GRIN2A: variants seen among roughly 807,000 people sequenced by gnomAD.
GRIN2A encodes the protein glutamate receptor ionotropic, NMDA 2A.
Under a neutral mutation model 113.4 loss-of-function variants are expected in GRIN2A, and 22 were observed. That is an observed-to-expected ratio of 0.19 (90% CI 0.14 to 0.28). The LOEUF is 0.28. GRIN2A is among the 10% of genes least tolerant of loss of function. The pLI, the probability that GRIN2A is intolerant of heterozygous loss-of-function variation, is 1.00. For synonymous variants in GRIN2A, 827 were observed against 738.4 expected, an observed-to-expected ratio of 1.12 and a Z score of -1.94; for missense variants, 1,502 against 1,887.0, an observed-to-expected ratio of 0.80 and a Z score of 3.78.
intron 2 of GRIN2A, among the ~76,000 whole-genome samples, chr16:10,139,271 A>C (rs17570500): frequency 0.11 from 17,074 of 152,136 alleles, 1,290 homozygotes; most frequent in South Asian, 0.18. Flanking sequence ...CAGTGATGGG[A>C]GGTCAGGGTG....
chr16:9,951,506 T>C (rs556890719), intron 2 of GRIN2A, among the ~76,000 whole-genome samples: 1 of 152,342 alleles, frequency 6.6e-6, no homozygotes, highest in African/African-American at 2.4e-5. Flanking sequence ...CTGTTTGTTC[T>C]CTTCAGCAAG....
chr16:9,979,845 CTGTG>C (rs60999132), intron 2 of GRIN2A, among the ~76,000 whole-genome samples: 15,099 of 133,228 alleles, frequency 0.11, 1,026 homozygotes, highest in African/African-American at 0.15. Context: ...GACTTATATT[CTGTG>C]TGTGTGTGTG....
chr16:10,069,325 T>C (rs968287100), intron 2 of GRIN2A, among the ~76,000 whole-genome samples: 1 of 152,178 alleles, frequency 6.6e-6, no homozygotes, highest in East Asian at 1.9e-4. Context: ...AGAAAGAGAA[T>C]GTTCCACCAT....
chr16:9,875,407 G>C (rs1462703801), intron 4 of GRIN2A, among the ~76,000 whole-genome samples: 1 of 152,176 alleles, frequency 6.6e-6, no homozygotes, highest in Non-Finnish European at 1.5e-5. Flanking sequence ...AAACAGGGTA[G>C]TGGAATGGGA....
chr16:9,788,127 T>C (rs1596406116), intron 11 of GRIN2A, among the ~76,000 whole-genome samples: 3 of 152,178 alleles, frequency 2.0e-5, no homozygotes, highest in South Asian at 2.1e-4. Flanking sequence ...AGGCTAAACA[T>C]TGCCTGAACT....
chr16:9,971,577 A>G (rs1340172991), intron 2 of GRIN2A, among the ~76,000 whole-genome samples: 1 of 152,266 alleles, frequency 6.6e-6, no homozygotes, highest in East Asian at 1.9e-4. Context: ...GCAAGAATAT[A>G]TAAGAATGTA....
intron 2 of GRIN2A, among the ~76,000 whole-genome samples, chr16:10,002,151 G>A (rs2046331892): frequency 6.6e-6 from 1 of 152,158 alleles, no homozygotes; most frequent in Non-Finnish European, 1.5e-5. Flanking sequence ...TATCACACTA[G>A]AGCTTGCAAA....
At chr16:10,128,350 T>C (rs2048988951) in intron 2 of GRIN2A, among the ~76,000 whole-genome samples, 1 of 152,192 alleles carries the variant, frequency 6.6e-6, no homozygotes, top group Non-Finnish European at 1.5e-5. Context: ...TTCCAAGTGA[T>C]GTCAGAAATG....
At chr16:10,014,616 TAAAG>T (rs1366779052) in intron 2 of GRIN2A, among the ~76,000 whole-genome samples, 1 of 152,192 alleles carries the variant, frequency 6.6e-6, no homozygotes, top group Admixed American at 6.5e-5. Context: ...AATGCCATTA[TAAAG>T]AAAGTTGGGT....
intron 3 of GRIN2A, among the ~76,000 whole-genome samples, chr16:9,915,924 C>T (rs961493397): frequency 6.6e-6 from 1 of 152,310 alleles, no homozygotes; most frequent in South Asian, 2.1e-4. Flanking sequence ...TTGATAAATG[C>T]TAATTACTGT....
intron 2 of GRIN2A, among the ~76,000 whole-genome samples, chr16:10,021,088 G>A (rs1366396522): frequency 6.6e-6 from 1 of 152,222 alleles, no homozygotes; most frequent in Admixed American, 6.5e-5. Flanking sequence ...TCAGGGGGCA[G>A]GTGACTGGCA....
chr16:9,963,481 T>C (rs2045484747), intron 2 of GRIN2A, among the ~76,000 whole-genome samples: 1 of 152,036 alleles, frequency 6.6e-6, no homozygotes, highest in Non-Finnish European at 1.5e-5. Flanking sequence ...TCTCCCTATG[T>C]TCATGTATTC....
At chr16:9,914,726 A>G (rs1380578263) in intron 3 of GRIN2A, among the ~76,000 whole-genome samples, 2 of 152,012 alleles carry the variant, frequency 1.3e-5, no homozygotes, top group Non-Finnish European at 2.9e-5. Flanking sequence ...CATTAAGGCT[A>G]TAACAGCTTA....
intron 3 of GRIN2A, among the ~76,000 whole-genome samples, chr16:9,901,849 G>A (rs140452845): frequency 2.2e-4 from 34 of 152,306 alleles, no homozygotes; most frequent in Middle Eastern, 3.4e-3. Flanking sequence ...AAGAACTCTG[G>A]TCTTCAAATC....
At chr16:10,173,547 T>C (rs1216430242) in intron 2 of GRIN2A, among the ~76,000 whole-genome samples, 1 of 152,214 alleles carries the variant, frequency 6.6e-6, no homozygotes, top group Non-Finnish European at 1.5e-5. Context: ...TGAACCATAT[T>C]GTGATATGTT....
intron 4 of GRIN2A, among the ~76,000 whole-genome samples, chr16:9,850,582 C>A (rs2042865958): frequency 6.6e-6 from 1 of 151,880 alleles, no homozygotes; most frequent in Non-Finnish European, 1.5e-5. Flanking sequence ...GAAGATGAAG[C>A]TAGAGAGTGA....
chr16:9,956,470 T>C (rs183034837), intron 2 of GRIN2A, among the ~76,000 whole-genome samples: 21 of 152,312 alleles, frequency 1.4e-4, no homozygotes, highest in African/African-American at 3.8e-4. Context: ...TACCAACTTC[T>C]AGAACTGCAC....
intron 10 of GRIN2A, among the ~76,000 whole-genome samples, chr16:9,814,662 CAACT>C (rs1390255439): frequency 3.3e-5 from 5 of 152,136 alleles, no homozygotes; most frequent in Non-Finnish European, 2.9e-5. Context: ...TCTCAATAGT[CAACT>C]AACTAACCTC....
intron 2 of GRIN2A, among the ~76,000 whole-genome samples, chr16:10,076,163 G>C (rs1205697734): frequency 6.6e-6 from 1 of 152,188 alleles, no homozygotes; most frequent in East Asian, 1.9e-4. Flanking sequence ...AGCAAAGTGG[G>C]TTGAGGATCC....
Sources: gnomAD v4.1 joint callset for allele counts (sites outside exome capture counted in the v4.1 genomes callset) on GRCh38, gnomAD v4.1.1 for gene constraint, MANE v1.5 for transcripts, NCBI Gene and HGNC (gene_info 2026-07-23, HGNC 2026-07-21) for gene names.